Variants in C6orf141 observed in about 807,000 individuals in gnomAD.
The protein encoded by C6orf141 is uncharacterized protein C6orf141.
For synonymous variants in C6orf141, 164 were observed against 140.5 expected (o/e 1.17, Z -1.18); for missense variants, 361 against 335.8 (o/e 1.07, Z -0.59).
chr6:49,556,905 G>A (rs6919458), downstream of C6orf141, among the ~76,000 whole-genome samples: 142,115 of 152,310 alleles, frequency 0.93, 66,723 homozygotes, highest in East Asian at 1. Flanking sequence ...ATTAAGACTT[G>A]GTTATCTTCA....
In C6orf141 at chr6:49,559,475, T is replaced by TA. The variant is rs1344821139; in HGVS notation, c.*764-2228dup. 2.0e-5 allele frequency among the ~76,000 whole-genome samples: 3 copies of TA among 151,952 alleles called. No individual in the cohort carries two copies. The East Asian group carries it at 5.8e-4, about 29-fold the overall frequency. ...TGCTATGTAATGGATGAGTGCTACT[T>TA]ACTGAAAGCAAAGTCAAGTCTGCAT... On this transcript the variant is annotated intron_variant and NMD_transcript_variant, in intron 4 of 4. Coordinates refer to the C6orf141 transcript ENST00000371194.
intron 4 of C6orf141, among the ~76,000 whole-genome samples, chr6:49,561,162 A>G (rs765868182): frequency 1.3e-5 from 2 of 151,002 alleles, no homozygotes; most frequent in Non-Finnish European, 2.9e-5. Context: ...AAGTGGCACG[A>G]TATCAGCTCA....
In C6orf141 at chr6:49,551,549, C is replaced by G; in HGVS notation, c.*22C>G. ...CTAATGAGTAGCTCGAGAAATGTTC[C>G]GGGATGGTGGATGAGCGATCATCCT... On this transcript the variant is annotated 3_prime_UTR_variant, in exon 1 of 1. Transcript: ENST00000529246. 1 of 1,546,602 alleles carries G rather than the reference C, an allele frequency of 6.5e-7. No individual in the cohort carries two copies.
At chr6:49,556,744 T>C (rs1019558027), downstream of C6orf141, among the ~76,000 whole-genome samples, 4 of 152,194 alleles carry the variant, frequency 2.6e-5, no homozygotes, top group Non-Finnish European at 5.9e-5. Flanking sequence ...GACATCTCTA[T>C]AACTGCAGTC....
At chr6:49,561,338 A>T (rs1773287734) in intron 4 of C6orf141, among the ~76,000 whole-genome samples, 1 of 152,154 alleles carries the variant, frequency 6.6e-6, no homozygotes. Flanking sequence ...ACCTCAGGTG[A>T]TCCCCCTGCC....
At chr6:49,554,672 A>G (rs940601682), downstream of C6orf141, among the ~76,000 whole-genome samples, 3 of 151,756 alleles carry the variant, frequency 2.0e-5, no homozygotes, top group African/African-American at 7.3e-5. Flanking sequence ...CTGAGCCACC[A>G]TGCCCGGCCT....
At position 49,552,066 on chromosome 6, in the gene C6orf141, G is replaced by T. The variant is rs1770778080; in HGVS notation, c.*539G>T. On this transcript the variant is annotated 3_prime_UTR_variant, in exon 1 of 1. Coordinates refer to ENST00000529246, the MANE Select transcript of C6orf141 (RefSeq NM_001145652.2). Reference sequence around the variant, plus strand: ...TTTTCTCCCCCACATTTCAGTGTTAGAAAGAAAACGAGAGGAGCTAGGGAA... The same window carrying T: ...TTTTCTCCCCCACATTTCAGTGTTATAAAGAAAACGAGAGGAGCTAGGGAA... 2.1e-6 allele frequency: 1 copy of T among 481,614 alleles called. No homozygotes were observed. Among genetic ancestry groups the T allele is most frequent in the East Asian group, 1.5e-4 (1 of 6,502 alleles). The allele number at this position is 481,614 out of a possible 1,614,324, so 29.8% of individuals were successfully genotyped here.
chr6:49,554,792 G>T (rs1771476391), downstream of C6orf141: 1 of 152,052 alleles, frequency 6.6e-6, no homozygotes, highest in Non-Finnish European at 1.5e-5. Context: ...CCTAGAACAT[G>T]TTTATAGATT....
chr6:49,561,302 T>C (rs1773282681), intron 4 of C6orf141, among the ~76,000 whole-genome samples: 1 of 152,132 alleles, frequency 6.6e-6, no homozygotes, highest in East Asian at 1.9e-4. Context: ...TTTTACTATG[T>C]TGGCCAGGCT....
downstream of C6orf141, among the ~76,000 whole-genome samples, chr6:49,552,822 T>A (rs967911032): frequency 6.6e-6 from 1 of 152,276 alleles, no homozygotes; most frequent in African/African-American, 2.4e-5. Context: ...GGATGAAGAA[T>A]GTGATAATCT....
chr6:49,551,695 C>G lies in C6orf141; in HGVS notation c.*168C>G, dbSNP rs1443522717. The G allele has an allele frequency of 6.9e-7, 1 of 1,439,986 alleles. No individual in the cohort carries two copies. The highest frequency in any genetic ancestry group is 2.5e-5 in the East Asian group (1 of 39,476). 89.2% of individuals were successfully genotyped at this position (1,439,986 alleles called of 1,614,324 possible). On this transcript the variant is annotated 3_prime_UTR_variant, in exon 1 of 1. Transcript: ENST00000529246. ...AGAACTGTAAGCAGCATAATACCTC[C>G]TTTGTGGCTTGAATTCCTTCGCTGT...
rs1170212257 is a variant in C6orf141, at chr6:49,551,125, C to T, written c.333C>T (p.Ala111=). The T allele has an allele frequency of 1.3e-6, 2 of 1,551,552 alleles. No individual in the cohort carries two copies. The highest frequency in any genetic ancestry group is 8.7e-7 in the Non-Finnish European group (1 of 1,146,982). The change falls in exon 1 of 1, where the codon GCC becomes GCT. Residue 111 remains alanine (A), a synonymous_variant. Transcript: ENST00000529246. ...GGGACCCTGCACGGGAAGAGGTGGC[C>T]GGTGCAGAGGACCTTCCTCATGCGG... ...TRGDPAREEV[A]GAEDLPHAGG...
At position 49,551,532 on chromosome 6, in the gene C6orf141, T is replaced by C; in HGVS notation, c.*5T>C. The C allele has an allele frequency of 6.5e-7, 1 of 1,549,454 alleles. No homozygotes were observed. The highest frequency in any genetic ancestry group is 1.4e-5 in the African/African-American group (1 of 72,964). ...CTCGAGGAAATTAAACTCTAATGAG[T>C]AGCTCGAGAAATGTTCCGGGATGGT... is the stretch of plus-strand genomic sequence containing the variant. On this transcript the variant is annotated 3_prime_UTR_variant, in exon 1 of 1. Coordinates refer to ENST00000529246, the MANE Select transcript of C6orf141 (RefSeq NM_001145652.2).
At chr6:49,561,124 G>A (rs1311001999) in intron 4 of C6orf141, among the ~76,000 whole-genome samples, 5 of 145,526 alleles carry the variant, frequency 3.4e-5, no homozygotes, top group African/African-American at 1.0e-4. Context: ...TTGAGACAGA[G>A]TCTTTCTCTG....
At chr6:49,558,740 C>A (rs1480069305) in intron 4 of C6orf141, among the ~76,000 whole-genome samples, 20 of 151,800 alleles carry the variant, frequency 1.3e-4, no homozygotes, top group Admixed American at 1.3e-3. Context: ...TGGAGTCTTG[C>A]TCTGTTGCCC....
At position 49,551,305 on chromosome 6, in the gene C6orf141, G is replaced by A. The variant is rs988511300; in HGVS notation, c.513G>A (p.Val171=). The change falls in exon 1 of 1, where the codon GTG becomes GTA. Residue 171 remains valine (V), a synonymous_variant. Transcript: ENST00000529246. Reference sequence around the variant, plus strand: ...AGGATTATCAGGTAACACAAGAAGTGTTGCAGACCTCCTGGGCCAAGGGTC... The same window carrying A: ...AGGATTATCAGGTAACACAAGAAGTATTGCAGACCTCCTGGGCCAAGGGTC... The part of the protein sequence containing the change: ...RVEDYQVTQE[V]LQTSWAKGRM... 6.4e-7 allele frequency: 1 copy of A among 1,551,606 alleles called. No individual in the cohort carries two copies. Among genetic ancestry groups the A allele is most frequent in the African/African-American group, 1.4e-5 (1 of 73,056 alleles).
chr6:49,557,691 A>G (rs1358347688), intron 4 of C6orf141, among the ~76,000 whole-genome samples: 1 of 152,178 alleles, frequency 6.6e-6, no homozygotes, highest in Admixed American at 6.5e-5. Context: ...GTCTCTAACT[A>G]TCAGTCTCTG....
At chr6:49,554,629 G>C (rs182278420), downstream of C6orf141, among the ~76,000 whole-genome samples, 1 of 152,064 alleles carries the variant, frequency 6.6e-6, no homozygotes, top group Non-Finnish European at 1.5e-5. Context: ...TGATGCGCCC[G>C]CCTCGGCCTC....
chr6:49,551,746 G>T lies in C6orf141; in HGVS notation c.*219G>T, dbSNP rs1770672978. On this transcript the variant is annotated 3_prime_UTR_variant, in exon 1 of 1. Transcript: ENST00000529246. ...CTGGGGACCTAAGTCATTCAGAAGA[G>T]GTGGAGAAAAGATATTTTCAGATTG... The T allele has an allele frequency of 7.2e-7, 1 of 1,397,892 alleles. No individual in the cohort carries two copies. Among genetic ancestry groups the T allele is most frequent in the African/African-American group, 1.5e-5 (1 of 68,660 alleles). The allele number at this position is 1,397,892 out of a possible 1,614,324, so 86.6% of individuals were successfully genotyped here. A position where few individuals can be genotyped will look rare whatever the true frequency, so the allele number is the denominator to read the frequency against.
Sources: allele counts gnomAD v4.1 joint callset (sites outside exome capture counted in the v4.1 genomes callset), GRCh38; gene constraint gnomAD v4.1.1; transcripts MANE v1.5; gene names NCBI Gene and HGNC (gene_info 2026-07-23, HGNC 2026-07-21).